PRELID2: variants seen among roughly 807,000 people sequenced by gnomAD.
The protein encoded by PRELID2 is PRELI domain containing 2, also known as PRELI domain-containing protein 2.
In PRELID2, 25 loss-of-function variants were observed where a neutral mutation model predicts 28.4. That is an observed-to-expected ratio of 0.88 (90% CI 0.64 to 1.23). The LOEUF is 1.23. Among genes scored for constraint, PRELID2 ranks in the 50% most tolerant of loss-of-function variants. The probability of loss-of-function intolerance (pLI) is 0.00; values close to 1 mark genes in which losing one functional copy is unlikely to be tolerated. For missense variants in PRELID2, 201 were observed against 214.4 expected, an observed-to-expected ratio of 0.94 and a Z score of 0.39; for synonymous variants, 76 against 71.6, an observed-to-expected ratio of 1.06 and a Z score of -0.31.
chr5:145,328,485 C>T, the PRELID2 span, among the ~76,000 whole-genome samples: 1 of 152,138 alleles, frequency 6.6e-6, no homozygotes, highest in Non-Finnish European at 1.5e-5. Context: ...ATCTGACTGG[C>T]ATGAGATGGT....
chr5:145,710,322 T>C (rs1450163153), intron 1 of PRELID2, among the ~76,000 whole-genome samples: 1 of 152,236 alleles, frequency 6.6e-6, no homozygotes, highest in African/African-American at 2.4e-5. Flanking sequence ...TAATGAATCC[T>C]AGGTCTATGT....
At chr5:145,433,527 G>A in the PRELID2 span, among the ~76,000 whole-genome samples, 3 of 152,126 alleles carry the variant, frequency 2.0e-5, no homozygotes, top group African/African-American at 7.2e-5. Flanking sequence ...CCTGGGCATC[G>A]TCAGTTCTTT....
At chr5:145,582,790 T>A (rs542736651) in intron 1 of PRELID2, among the ~76,000 whole-genome samples, 1 of 152,130 alleles carries the variant, frequency 6.6e-6, no homozygotes, top group East Asian at 1.9e-4. Flanking sequence ...GTTCTGAAAT[T>A]AAAGCAGTAA....
intron 1 of PRELID2, among the ~76,000 whole-genome samples, chr5:145,751,173 TTC>T (rs1757114077): frequency 6.6e-6 from 1 of 152,230 alleles, no homozygotes; most frequent in South Asian, 2.1e-4. Context: ...TATATAGGAC[TTC>T]TTTCTCAACT....
At chr5:145,831,218 TTTCA>T (rs1172000859) in intron 1 of PRELID2, among the ~76,000 whole-genome samples, 1 of 152,218 alleles carries the variant, frequency 6.6e-6, no homozygotes, top group Non-Finnish European at 1.5e-5. Flanking sequence ...GCATTACCAT[TTTCA>T]CAGAGGAGAA....
intron 1 of PRELID2, among the ~76,000 whole-genome samples, chr5:145,518,697 G>C (rs527902934): frequency 1.3e-5 from 2 of 152,192 alleles, no homozygotes; most frequent in Non-Finnish European, 2.9e-5. Flanking sequence ...TCCTATACCA[G>C]TTGTTCTCAA....
At chr5:145,620,819 T>G (rs1007023555) in intron 1 of PRELID2, among the ~76,000 whole-genome samples, 4 of 151,632 alleles carry the variant, frequency 2.6e-5, no homozygotes, top group Non-Finnish European at 5.9e-5. Flanking sequence ...AGTAAGACCC[T>G]GTTACACACA....
chr5:145,402,525 C>A, the PRELID2 span, among the ~76,000 whole-genome samples: 1 of 152,136 alleles, frequency 6.6e-6, no homozygotes, highest in East Asian at 1.9e-4. Flanking sequence ...GCTCACTGTA[C>A]CAAAATCTGT....
the PRELID2 span, among the ~76,000 whole-genome samples, chr5:145,425,959 G>A: frequency 6.6e-6 from 1 of 152,188 alleles, no homozygotes; most frequent in Admixed American, 6.5e-5. Context: ...CTGCCTGGGA[G>A]CCCCCTCATC....
intron 1 of PRELID2, among the ~76,000 whole-genome samples, chr5:145,551,941 T>G (rs1182655588): frequency 1.3e-5 from 2 of 152,050 alleles, no homozygotes; most frequent in Non-Finnish European, 2.9e-5. Context: ...TACCCCAACC[T>G]CATTCTCCTC....
chr5:145,535,515 T>C (rs185265907), intron 1 of PRELID2, among the ~76,000 whole-genome samples: 1 of 152,004 alleles, frequency 6.6e-6, no homozygotes, highest in East Asian at 1.9e-4. Context: ...GAGTATTTTT[T>C]ATTATTATTA....
chr5:145,446,280 A>G, the PRELID2 span, among the ~76,000 whole-genome samples: 4 of 152,118 alleles, frequency 2.6e-5, no homozygotes, highest in African/African-American at 9.7e-5. Context: ...AAAAATGAAA[A>G]AAAGTTCATT....
intron 1 of PRELID2, among the ~76,000 whole-genome samples, chr5:145,540,722 G>A (rs1399112862): frequency 6.7e-6 from 1 of 150,142 alleles, no homozygotes; most frequent in Non-Finnish European, 1.5e-5. Context: ...GATCAGGAAA[G>A]GGAAGACAGG....
At chr5:145,811,305 C>T (rs1010677079) in intron 4 of PRELID2, among the ~76,000 whole-genome samples, 2 of 151,860 alleles carry the variant, frequency 1.3e-5, no homozygotes, top group Non-Finnish European at 2.9e-5. Context: ...ACAGCAAAAC[C>T]ATATCAGGGG....
At chr5:145,617,260 G>C (rs1231184920) in intron 1 of PRELID2, among the ~76,000 whole-genome samples, 1 of 152,136 alleles carries the variant, frequency 6.6e-6, no homozygotes, top group East Asian at 1.9e-4. Flanking sequence ...GAAGATGACA[G>C]GATTAAGATA....
At chr5:145,352,085 A>C in the PRELID2 span, among the ~76,000 whole-genome samples, 1 of 152,156 alleles carries the variant, frequency 6.6e-6, no homozygotes, top group Non-Finnish European at 1.5e-5. Context: ...GTAAGCCGTC[A>C]GTGGATTTAC....
intron 1 of PRELID2, among the ~76,000 whole-genome samples, chr5:145,831,703 A>G (rs1332292356): frequency 3.9e-5 from 6 of 152,108 alleles, no homozygotes; most frequent in Non-Finnish European, 8.8e-5. Flanking sequence ...CCATCACTAG[A>G]CCTTTAGTCT....
At chr5:145,432,181 C>T in the PRELID2 span, among the ~76,000 whole-genome samples, 1 of 152,186 alleles carries the variant, frequency 6.6e-6, no homozygotes, top group Non-Finnish European at 1.5e-5. Flanking sequence ...ATGACATACA[C>T]ATAACTTTTA....
At chr5:145,622,421 C>T (rs550823482) in intron 1 of PRELID2, among the ~76,000 whole-genome samples, 28 of 152,124 alleles carry the variant, frequency 1.8e-4, no homozygotes, top group African/African-American at 6.3e-4. Flanking sequence ...GCAGTAACTA[C>T]TTATGCTAAA....
Sources: allele counts gnomAD v4.1 joint callset (sites outside exome capture counted in the v4.1 genomes callset), GRCh38; gene constraint gnomAD v4.1.1; transcripts MANE v1.5; gene names NCBI Gene and HGNC (gene_info 2026-07-23, HGNC 2026-07-21).